Variants in ELAPOR2 observed in about 807,000 individuals in gnomAD.
ELAPOR2 encodes endosome-lysosome associated apoptosis and autophagy regulator family member 2.
Under a neutral mutation model 120.7 loss-of-function variants are expected in ELAPOR2, and 89 were observed. That is an observed-to-expected ratio of 0.74 (90% CI 0.62 to 0.88). ELAPOR2 has a LOEUF of 0.88. ELAPOR2 is among the 40% of genes least tolerant of loss of function. The pLI, the probability that ELAPOR2 is intolerant of heterozygous loss-of-function variation, is 0.00. For missense variants in ELAPOR2, 1,134 were observed against 1,251.6 expected, an observed-to-expected ratio of 0.91 and a Z score of 1.42; for synonymous variants, 444 against 444.9, an observed-to-expected ratio of 1.00 and a Z score of 0.03.
At chr7:86,902,399 CT>C (rs1788767287) in intron 18 of ELAPOR2, among the ~76,000 whole-genome samples, 5 of 152,154 alleles carry the variant, frequency 3.3e-5, no homozygotes. Context: ...TGGTCTCAAA[CT>C]CCTGACCTCA....
intron 1 of ELAPOR2, among the ~76,000 whole-genome samples, chr7:86,991,600 T>G (rs1242440341): frequency 1.3e-5 from 2 of 152,196 alleles, no homozygotes; most frequent in African/African-American, 4.8e-5. Context: ...GCCCCAACTC[T>G]ATTATACCAG....
At chr7:86,984,877 A>G (rs1395122031) in intron 1 of ELAPOR2, among the ~76,000 whole-genome samples, 2 of 152,230 alleles carry the variant, frequency 1.3e-5, no homozygotes, top group Admixed American at 1.3e-4. Flanking sequence ...AAACCCTTCA[A>G]AAAATCAATA....
At chr7:87,006,635 T>A in intron 1 of ELAPOR2, among the ~76,000 whole-genome samples, 1 of 152,108 alleles carries the variant, frequency 6.6e-6, no homozygotes, top group East Asian at 1.9e-4. Flanking sequence ...TTGGAACAAG[T>A]GTTTGGTAGT....
rs1210457324 is a variant in ELAPOR2, at chr7:86,880,275, T to A, written c.*196A>T. On this transcript the variant is annotated 3_prime_UTR_variant, in exon 22 of 22. Coordinates refer to ENST00000450689, the MANE Select transcript of ELAPOR2 (RefSeq NM_001142749.3). The stretch of plus-strand genomic sequence containing the variant: ...TTCAGTTGAGACCCAAATCATTTGC[T>A]TTCCTTTATTTGGCAAGGTACTTGA... The A allele has an allele frequency of 5.0e-6, 3 of 594,890 alleles. No individual in the cohort carries two copies. In the Admixed American group the frequency reaches 9.4e-5, roughly 19 times the overall value. The allele number at this position is 594,890 out of a possible 1,614,324, so 36.9% of individuals were successfully genotyped here.
At chr7:87,038,379 G>C (rs1269608735) in intron 1 of ELAPOR2, among the ~76,000 whole-genome samples, 1 of 152,130 alleles carries the variant, frequency 6.6e-6, no homozygotes, top group Non-Finnish European at 1.5e-5. Flanking sequence ...ATAAGAAAAA[G>C]TCTAGGGAAA....
At chr7:86,932,280 A>G (rs1397690560) in intron 8 of ELAPOR2, among the ~76,000 whole-genome samples, 1 of 151,950 alleles carries the variant, frequency 6.6e-6, no homozygotes, top group African/African-American at 2.4e-5. Flanking sequence ...ACATCTTAAA[A>G]TAATTTGTTC....
intron 18 of ELAPOR2, among the ~76,000 whole-genome samples, chr7:86,902,909 C>A (rs1364187528): frequency 6.6e-6 from 1 of 152,104 alleles, no homozygotes; most frequent in East Asian, 1.9e-4. Context: ...TGACAAGAAC[C>A]CAGTGTCTTC....
In ELAPOR2 at chr7:86,893,064, T is replaced by C. The variant is rs1338133683; in HGVS notation, c.2722A>G (p.Ile908Val). Residue 908 changes from isoleucine (I) to valine (V), a missense_variant, in exon 20 of 22, where the codon ATT becomes GTT. Ile to Val is a conservative substitution (Grantham distance 29). Coordinates refer to ENST00000450689, the MANE Select transcript of ELAPOR2 (RefSeq NM_001142749.3). ...TTCTCAGGCAAAGAAATTCCTTTAA[T>C]GCACCATTTAGGTTCATTCCACACA... ...LYVWNEPKWCIKGISLPEKKL... is the reference protein window; with the variant it reads ...LYVWNEPKWCVKGISLPEKKL... 4.5e-6 allele frequency: 7 copies of C among 1,567,644 alleles called. No individual in the cohort carries two copies. The highest frequency in any genetic ancestry group is 6.0e-6 in the Non-Finnish European group (7 of 1,162,846).
At chr7:86,949,871 A>C (rs1239434527) in intron 2 of ELAPOR2, among the ~76,000 whole-genome samples, 1 of 152,176 alleles carries the variant, frequency 6.6e-6, no homozygotes, top group African/African-American at 2.4e-5. Flanking sequence ...TGCCCAGAAC[A>C]GTGGCAGGAG....
chr7:87,040,012 C>T (rs148642372), intron 1 of ELAPOR2, among the ~76,000 whole-genome samples: 5 of 152,192 alleles, frequency 3.3e-5, no homozygotes, highest in Non-Finnish European at 7.4e-5. Flanking sequence ...GGGTGACGGA[C>T]GGCACCTGGA....
At chr7:86,917,627 T>G (rs1412777642) in intron 12 of ELAPOR2, among the ~76,000 whole-genome samples, 3 of 152,150 alleles carry the variant, frequency 2.0e-5, no homozygotes, top group African/African-American at 7.2e-5. Context: ...TATAGATGGC[T>G]GTGTTGAAGA....
chr7:86,956,920 A>T (rs1241430186), intron 2 of ELAPOR2, among the ~76,000 whole-genome samples: 2 of 152,214 alleles, frequency 1.3e-5, no homozygotes, highest in Non-Finnish European at 2.9e-5. Context: ...TTCGATTCTT[A>T]TCATCCTAAA....
intron 1 of ELAPOR2, among the ~76,000 whole-genome samples, chr7:87,045,668 T>G (rs1180091096): frequency 1.5e-4 from 23 of 151,308 alleles, no homozygotes; most frequent in Admixed American, 1.1e-3. Context: ...AGATGACGAG[T>G]TAGTGGGTGC....
intron 2 of ELAPOR2, among the ~76,000 whole-genome samples, chr7:86,952,355 A>G (rs1209258327): frequency 6.6e-6 from 1 of 152,222 alleles, no homozygotes; most frequent in Non-Finnish European, 1.5e-5. Flanking sequence ...AAAAAGGTTA[A>G]CTAGTTAACA....
intron 13 of ELAPOR2, among the ~76,000 whole-genome samples, chr7:86,913,763 G>T (rs1789430736): frequency 6.6e-6 from 1 of 152,034 alleles, no homozygotes; most frequent in Admixed American, 6.6e-5. Context: ...GAAAAGATGT[G>T]GACTAGAGAG....
intron 18 of ELAPOR2, among the ~76,000 whole-genome samples, chr7:86,902,145 G>A (rs1233688055): frequency 6.6e-6 from 1 of 151,920 alleles, no homozygotes; most frequent in African/African-American, 2.4e-5. Context: ...GAAGGGGCTA[G>A]CTAGCTCTCT....
At chr7:86,946,615 A>C (rs1161612383) in intron 3 of ELAPOR2, among the ~76,000 whole-genome samples, 2 of 152,028 alleles carry the variant, frequency 1.3e-5, no homozygotes, top group African/African-American at 4.8e-5. Flanking sequence ...TTGAACTCCC[A>C]ACCTCAGGTG....
At chr7:87,009,155 T>C (rs948115929) in intron 1 of ELAPOR2, among the ~76,000 whole-genome samples, 38 of 152,170 alleles carry the variant, frequency 2.5e-4, no homozygotes, top group African/African-American at 9.2e-4. Flanking sequence ...CCTTATAGAA[T>C]AGATAAGACA....
intron 1 of ELAPOR2, among the ~76,000 whole-genome samples, chr7:86,998,920 T>C (rs942317611): frequency 1.1e-4 from 17 of 151,928 alleles, no homozygotes; most frequent in African/African-American, 4.1e-4. Flanking sequence ...GCTATAGATA[T>C]AGGAAAATGG....
Sources: gnomAD v4.1 joint callset for allele counts (sites outside exome capture counted in the v4.1 genomes callset) on GRCh38, gnomAD v4.1.1 for gene constraint, MANE v1.5 for transcripts, NCBI Gene and HGNC (gene_info 2026-07-23, HGNC 2026-07-21) for gene names.